RNF38: variants seen among roughly 807,000 people sequenced by gnomAD.
RNF38 encodes ring finger protein 38, also known as E3 ubiquitin-protein ligase RNF38.
In RNF38, 15 loss-of-function variants were observed where a neutral mutation model predicts 67.2. The ratio of observed to expected loss-of-function variants is 0.22; its 90% CI spans 0.15 to 0.34. RNF38 has a LOEUF of 0.34. Ranked by LOEUF, RNF38 falls within the 10% of genes least tolerant of loss-of-function variation. RNF38 has a pLI of 1.00. For missense variants in RNF38, 524 were observed against 639.9 expected, an observed-to-expected ratio of 0.82 and a Z score of 1.95; for synonymous variants, 220 against 218.8, an observed-to-expected ratio of 1.01 and a Z score of -0.05.
Position 36,339,566 on chromosome 9 carries a change from C to A in RNF38, c.*186G>T. On this transcript the variant is annotated 3_prime_UTR_variant, in exon 12 of 12. Coordinates refer to ENST00000259605, the MANE Select transcript of RNF38 (RefSeq NM_022781.5). ...AGTTCCAATCACACGGTTAGTATAA[C>A]AATCCCATAACTGTGAAGACTAATT... 1.9e-6 allele frequency: 1 copy of A among 538,906 alleles called. No individual in the cohort carries two copies. Among genetic ancestry groups the A allele is most frequent in the Non-Finnish European group, 3.3e-6 (1 of 299,218 alleles). The allele number at this position is 538,906 out of a possible 1,614,324, so 33.4% of individuals were successfully genotyped here.
chr9:36,359,195 T>C (rs1219587526), intron 4 of RNF38, among the ~76,000 whole-genome samples: 9 of 152,092 alleles, frequency 5.9e-5, no homozygotes, highest in African/African-American at 2.2e-4. Context: ...TATTGCTTGT[T>C]GTGTGTAATG....
chr9:36,371,595 C>T (rs750736528), intron 3 of RNF38, among the ~76,000 whole-genome samples: 1 of 151,568 alleles, frequency 6.6e-6, no homozygotes, highest in Non-Finnish European at 1.5e-5. Flanking sequence ...TACAGATGTC[C>T]ACCACCAAGC....
At chr9:36,452,067 A>G (rs77746299) in intron 1 of RNF38, among the ~76,000 whole-genome samples, 4 of 151,740 alleles carry the variant, frequency 2.6e-5, no homozygotes, top group African/African-American at 9.7e-5. Context: ...AAATTTTTTT[A>G]AAAAAAATAG....
At chr9:36,487,584 C>G, upstream of RNF38, 1 of 979,122 alleles carries the variant, frequency 1.0e-6, no homozygotes, top group Non-Finnish European at 1.2e-6. Context: ...GCAGCGGCTC[C>G]GGCTGCGACT....
In RNF38 at chr9:36,363,600, T is replaced by C. The variant is rs143401569; in HGVS notation, c.571-5658A>G. ...TATGCCATGTATATATACTCATGCG[T>C]GGCTTAACGATGGAGATACATTCTG... is the stretch of plus-strand genomic sequence containing the variant. On this transcript the variant is annotated intron_variant, in intron 4 of 11. Coordinates refer to ENST00000259605, the MANE Select transcript of RNF38 (RefSeq NM_022781.5). Among the ~76,000 whole-genome samples the C allele has an allele frequency of 2.7e-3, 277 of 100,840 alleles. 73 individuals carry two copies. The highest frequency in any genetic ancestry group is 0.021 in the Admixed American group (230 of 10,984). 66.2% of individuals were successfully genotyped at this position (100,840 alleles called of 152,430 possible).
intron 2 of RNF38, among the ~76,000 whole-genome samples, chr9:36,386,991 C>T (rs1159542942): frequency 2.6e-5 from 4 of 152,062 alleles, no homozygotes; most frequent in Non-Finnish European, 5.9e-5. Flanking sequence ...TTAGTAGAGA[C>T]GGGGTTTCCC....
At chr9:36,409,448 G>C (rs1198145369) in intron 2 of RNF38, among the ~76,000 whole-genome samples, 1 of 152,092 alleles carries the variant, frequency 6.6e-6, no homozygotes, top group African/African-American at 2.4e-5. Flanking sequence ...AACAGACATG[G>C]GAATCACAGT....
At chr9:36,374,717 C>T (rs1053462318) in intron 3 of RNF38, among the ~76,000 whole-genome samples, 3 of 152,092 alleles carry the variant, frequency 2.0e-5, no homozygotes, top group Non-Finnish European at 2.9e-5. Context: ...CTCCTGACCT[C>T]GTGATCCGCC....
intron 1 of RNF38, among the ~76,000 whole-genome samples, chr9:36,481,422 A>G (rs1304548517): frequency 6.6e-6 from 1 of 152,224 alleles, no homozygotes; most frequent in African/African-American, 2.4e-5. Flanking sequence ...AGCAGTCCCA[A>G]GAACAGCGCT....
intron 10 of RNF38, among the ~76,000 whole-genome samples, chr9:36,344,530 A>G (rs954281438): frequency 1.3e-5 from 2 of 152,242 alleles, no homozygotes; most frequent in African/African-American, 4.8e-5. Flanking sequence ...CAGCCCTAAC[A>G]GAACTTTCTA....
intron 1 of RNF38, among the ~76,000 whole-genome samples, chr9:36,471,368 T>C (rs1175933652): frequency 6.6e-6 from 1 of 152,218 alleles, no homozygotes; most frequent in South Asian, 2.1e-4. Context: ...TCACATAGCA[T>C]TGGGAAAAAT....
At chr9:36,370,212 TAAGTGAA>T (rs1029986223) in intron 3 of RNF38, among the ~76,000 whole-genome samples, 1 of 152,212 alleles carries the variant, frequency 6.6e-6, no homozygotes, top group Non-Finnish European at 1.5e-5. Context: ...GCCCTTTTTA[TAAGTGAA>T]AAATAGTCTA....
At chr9:36,486,362 C>T (rs979761238) in intron 1 of RNF38, among the ~76,000 whole-genome samples, 3 of 152,144 alleles carry the variant, frequency 2.0e-5, no homozygotes, top group Non-Finnish European at 4.4e-5. Flanking sequence ...AGCTTCCTTC[C>T]CCCTTCAAGC....
chr9:36,342,241 C>T (rs1360424911), intron 11 of RNF38, 84 bp downstream of exon 11: 2 of 934,732 alleles, frequency 2.1e-6, no homozygotes, highest in African/African-American at 3.2e-5. Flanking sequence ...CCTTCCTGTC[C>T]ACTGAGCTAT....
intron 3 of RNF38, among the ~76,000 whole-genome samples, chr9:36,374,900 G>A (rs1835671202): frequency 6.6e-6 from 1 of 152,172 alleles, no homozygotes; most frequent in Non-Finnish European, 1.5e-5. Flanking sequence ...AGGGTTACAG[G>A]AAGGTTACAG....
chr9:36,434,845 C>T (rs963365339), intron 1 of RNF38, among the ~76,000 whole-genome samples: 2 of 152,154 alleles, frequency 1.3e-5, no homozygotes, highest in African/African-American at 4.8e-5. Flanking sequence ...ATTCCCTTGC[C>T]TTATACATTA....
chr9:36,349,843 G>C (rs970764943), intron 9 of RNF38, among the ~76,000 whole-genome samples: 1 of 152,112 alleles, frequency 6.6e-6, no homozygotes, highest in Non-Finnish European at 1.5e-5. Context: ...TGGGTATCCA[G>C]TTTTCCCAAC....
chr9:36,377,621 G>A (rs1307478722), intron 2 of RNF38, among the ~76,000 whole-genome samples: 1 of 152,016 alleles, frequency 6.6e-6, no homozygotes, highest in Non-Finnish European at 1.5e-5. Flanking sequence ...AGATTTAACT[G>A]TACAGTCGTC....
chr9:36,427,937 C>T (rs988963021), intron 1 of RNF38, among the ~76,000 whole-genome samples: 2 of 150,782 alleles, frequency 1.3e-5, no homozygotes, highest in African/African-American at 2.4e-5. Context: ...CTCAAACTCC[C>T]GACCTCAGGT....
Sources: allele counts gnomAD v4.1 joint callset (sites outside exome capture counted in the v4.1 genomes callset), GRCh38; gene constraint gnomAD v4.1.1; transcripts MANE v1.5; gene names NCBI Gene and HGNC (gene_info 2026-07-23, HGNC 2026-07-21).